The following TDP1 variants were observed in gnomAD, a reference collection of about 807,000 sequenced individuals.
The protein encoded by TDP1 is tyr-DNA phosphodiesterase 1.
A neutral mutation model predicts 81.5 loss-of-function variants in TDP1; 64 were observed. The observed-to-expected ratio is 0.79, with a 90% CI of 0.64 to 0.97. The LOEUF (loss-of-function observed/expected upper bound fraction) is 0.97, where lower values mean the gene tolerates loss of function less well. TDP1 is among the 50% of genes least tolerant of loss of function. TDP1 has a pLI of 0.00. For synonymous variants in TDP1, 256 were observed against 264.3 expected (o/e 0.97, Z 0.30); for missense variants, 723 against 743.8 (o/e 0.97, Z 0.33).
intron 2 of TDP1, among the ~76,000 whole-genome samples, chr14:89,958,595 G>T (rs1316224765): frequency 6.6e-6 from 1 of 152,170 alleles, no homozygotes; most frequent in Non-Finnish European, 1.5e-5. Context: ...CTCAAAGGTG[G>T]GCATGACAAT....
chr14:89,984,975 A>AT (rs1347423351), intron 9 of TDP1, 157 bp from the exon 10 acceptor site: 44 of 925,722 alleles, frequency 4.8e-5, no homozygotes, highest in Admixed American at 3.7e-4. Context: ...TCATTAGTTG[A>AT]TTTGCTTGAA....
At position 90,019,033 on chromosome 14, in the gene TDP1, GA is replaced by G. The variant is rs35648947; in HGVS notation, c.1542-276del. 9.6e-4 allele frequency: 949 copies of G among 984,158 alleles called. 31 individuals carry two copies. In the East Asian group the frequency reaches 0.082, roughly 85 times the overall value. 61.0% of individuals were successfully genotyped at this position (984,158 alleles called of 1,614,324 possible). On this transcript the variant is annotated intron_variant, in intron 14 of 16. Coordinates refer to ENST00000335725, the MANE Select transcript of TDP1 (RefSeq NM_018319.4). ...GTGAAAAGAAAAGGGGCTTTAGAAC[GA>G]AAAAAATAAAATCTAAGGAAAGATA... is the stretch of plus-strand genomic sequence containing the variant.
At chr14:90,016,051 T>C (rs934583008) in intron 14 of TDP1, among the ~76,000 whole-genome samples, 1 of 151,856 alleles carries the variant, frequency 6.6e-6, no homozygotes, top group Non-Finnish European at 1.5e-5. Flanking sequence ...TTTTTCTTTT[T>C]TTTTTTTGAG....
intron 16 of TDP1, among the ~76,000 whole-genome samples, chr14:90,039,262 T>G (rs1888126805): frequency 2.0e-5 from 3 of 152,198 alleles, no homozygotes; most frequent in Non-Finnish European, 4.4e-5. Context: ...TTCTACTAAC[T>G]TGGTAAATCA....
intron 16 of TDP1, 105 bp from the exon 17 acceptor site, chr14:90,042,961 TCTAC>T: frequency 1.9e-6 from 3 of 1,581,368 alleles, no homozygotes; most frequent in Non-Finnish European, 2.6e-6. Context: ...CAGAAAATAC[TCTAC>T]CACAGTTTAG....
intron 15 of TDP1, among the ~76,000 whole-genome samples, chr14:90,031,275 C>G (rs1482640390): frequency 7.8e-6 from 1 of 127,790 alleles, no homozygotes; most frequent in Non-Finnish European, 1.6e-5. Context: ...CACCCCACAA[C>G]AGTCCCCAGA....
At position 90,035,733 on chromosome 14, in the gene TDP1, C is replaced by CCTTTT. The variant is rs1478014437; in HGVS notation, c.1753+2519_1753+2520insCTTTT. ...TCTGTTCTTCAGGTTCCTTTTCTTC[C>CCTTTT]TTTTTTTTTTTTTTTAACCCAAGTT... On this transcript the variant is annotated intron_variant, in intron 16 of 16. Coordinates refer to ENST00000335725, the MANE Select transcript of TDP1 (RefSeq NM_018319.4). Among the ~76,000 whole-genome samples, 83 of 139,054 alleles carry CCTTTT rather than the reference C, an allele frequency of 6.0e-4. 1 individual carries two copies. The highest frequency in any genetic ancestry group is 2.2e-3 in the African/African-American group (79 of 35,948). 91.2% of individuals were successfully genotyped at this position (139,054 alleles called of 152,430 possible).
intron 14 of TDP1, among the ~76,000 whole-genome samples, chr14:90,009,642 C>CA (rs1566903964): frequency 1.3e-5 from 2 of 151,456 alleles, no homozygotes; most frequent in Admixed American, 1.3e-4. Context: ...TGCAATAAGG[C>CA]AAAAAAATAA....
At chr14:89,984,839 A>G in intron 9 of TDP1, 156 bp downstream of exon 9, 2 of 985,444 alleles carry the variant, frequency 2.0e-6, no homozygotes, top group Non-Finnish European at 2.4e-6. Flanking sequence ...TCACATCTGT[A>G]TCTTGTGGTT....
At chr14:89,960,466 C>T (rs1892197771) in intron 2 of TDP1, among the ~76,000 whole-genome samples, 1 of 152,250 alleles carries the variant, frequency 6.6e-6, no homozygotes, top group Non-Finnish European at 1.5e-5. Flanking sequence ...AGATTAGAAA[C>T]AATTTAGGGA....
At chr14:89,963,740 GGA>G in intron 3 of TDP1, 67 bp downstream of exon 3, 1 of 1,565,830 alleles carries the variant, frequency 6.4e-7, no homozygotes, top group Non-Finnish European at 8.8e-7. Context: ...CGTGAAACAA[GGA>G]GGGCAGCCTA....
Position 89,956,692 on chromosome 14 carries a change from G to A in TDP1, c.-116G>A, listed in dbSNP as rs1270971270. On this transcript the variant is annotated 5_prime_UTR_variant, in exon 2 of 17. Coordinates refer to ENST00000335725, the MANE Select transcript of TDP1 (RefSeq NM_018319.4). ...GCGGCTGAATCACTTGAGGTTAGGA[G>A]TTTGAGATCAGCCCGGGCAACATGG... is the stretch of plus-strand genomic sequence containing the variant. 2 of 152,234 alleles carry A rather than the reference G, an allele frequency of 1.3e-5. No individual in the cohort carries two copies. Among genetic ancestry groups the A allele is most frequent in the East Asian group, 3.9e-4 (2 of 5,188 alleles). The allele number at this position is 152,234 out of a possible 1,614,324, so 9.4% of individuals were successfully genotyped here.
chr14:89,974,558 C>G (rs77991761), intron 6 of TDP1, among the ~76,000 whole-genome samples: 2 of 152,322 alleles, frequency 1.3e-5, no homozygotes, highest in African/African-American at 4.8e-5. Flanking sequence ...CAAAGTTTCA[C>G]CCATGTCATG....
At chr14:89,996,008 C>A (rs1896622016) in intron 14 of TDP1, among the ~76,000 whole-genome samples, 1 of 152,146 alleles carries the variant, frequency 6.6e-6, no homozygotes, top group South Asian at 2.1e-4. Context: ...CACATGGATG[C>A]TTTGGAAATA....
chr14:89,994,429 A>G (rs1416962620), intron 14 of TDP1, among the ~76,000 whole-genome samples: 2 of 152,204 alleles, frequency 1.3e-5, no homozygotes, highest in African/African-American at 4.8e-5. Flanking sequence ...GTTTAATTTA[A>G]TGTCTGTTTG....
chr14:89,964,695 T>G (rs1892727465), intron 3 of TDP1, among the ~76,000 whole-genome samples: 1 of 152,252 alleles, frequency 6.6e-6, no homozygotes, highest in Non-Finnish European at 1.5e-5. Flanking sequence ...ATCTTGGTAC[T>G]TTGTCAAGTT....
chr14:89,981,635 A>C (rs918440465), intron 8 of TDP1: 4 of 344,906 alleles, frequency 1.2e-5, no homozygotes, highest in Non-Finnish European at 1.7e-5. Context: ...TAGAACTCCT[A>C]ATTTGGAGTG....
chr14:90,040,350 T>C (rs1888243000), intron 16 of TDP1, among the ~76,000 whole-genome samples: 1 of 152,208 alleles, frequency 6.6e-6, no homozygotes, highest in Non-Finnish European at 1.5e-5. Context: ...ATCTTTAGAA[T>C]TTGATAAAAA....
At chr14:89,985,605 A>G (rs1192471410) in intron 10 of TDP1, among the ~76,000 whole-genome samples, 1 of 152,254 alleles carries the variant, frequency 6.6e-6, no homozygotes, top group Non-Finnish European at 1.5e-5. Flanking sequence ...TGATTATTAA[A>G]CCAGTGCCCT....
Sources: gnomAD v4.1 joint callset for allele counts (sites outside exome capture counted in the v4.1 genomes callset) on GRCh38, gnomAD v4.1.1 for gene constraint, MANE v1.5 for transcripts, NCBI Gene and HGNC (gene_info 2026-07-23, HGNC 2026-07-21) for gene names.